The following SLC19A1 variants were observed in gnomAD, a reference collection of about 807,000 sequenced individuals.
SLC19A1 encodes reduced folate transporter.
SLC19A1 carries 37 observed loss-of-function variants against 35.3 expected under a neutral mutation model. That is an observed-to-expected ratio of 1.05 (90% CI 0.81 to 1.38). The LOEUF (loss-of-function observed/expected upper bound fraction) is 1.38. Among genes scored for constraint, SLC19A1 ranks in the 40% most tolerant of loss-of-function variants. The pLI is 0.00. For missense variants in SLC19A1, 831 were observed against 826.9 expected (o/e 1.00, Z -0.06); for synonymous variants, 460 against 398.5 (o/e 1.15, Z -1.84).
chr21:45,537,837 T>C lies in SLC19A1; in HGVS notation c.123A>G (p.Ile41Met), dbSNP rs1459594243. ...YLCFYGFMAQ[I>M]RPGESFITPY... ...GGGTGATGAAGCTCTCCCCTGGCCG[T>C]ATCTGCGCCATGAAGCCGTAGAAGC... is the stretch of plus-strand genomic sequence containing the variant. The change falls in exon 2 of 6, where the codon ATA becomes ATG. Residue 41 changes from isoleucine (I) to methionine (M), a missense_variant. By Grantham distance (10) the Ile-to-Met change is conservative. Coordinates refer to ENST00000311124, the MANE Select transcript of SLC19A1 (RefSeq NM_194255.4). 10 of 1,607,988 alleles carry C rather than the reference T, an allele frequency of 6.2e-6. No individual in the cohort carries two copies. In the Admixed American group the frequency reaches 6.7e-5, roughly 11 times the overall value.
Position 45,516,086 on chromosome 21 carries a change from C to T in SLC19A1, c.1348G>A (p.Ala450Thr). Residue 450 changes from alanine (A) to threonine (T), a missense_variant, in exon 6 of 6, where the codon GCC becomes ACC. Physicochemically the swap from Ala to Thr is moderately conservative, Grantham distance 58 (BLOSUM62 0). Transcript: ENST00000311124. Reference sequence around the variant, plus strand: ...CAGTGCCGCAGGCCATCCAGCATGGCCCCCAAGAAGTAGATGATGGACAGG... The same window carrying T: ...CAGTGCCGCAGGCCATCCAGCATGGTCCCCAAGAAGTAGATGATGGACAGG... ...LILSIIYFLGAMLDGLRHCQR... is the reference protein window; with the variant it reads ...LILSIIYFLGTMLDGLRHCQR... 6.2e-7 allele frequency: 1 copy of T among 1,602,024 alleles called. No individual in the cohort carries two copies. Among genetic ancestry groups the T allele is most frequent in the Non-Finnish European group, 8.5e-7 (1 of 1,175,832 alleles).
Position 45,534,547 on chromosome 21 carries a change from A to G in SLC19A1, c.190-2399T>C, listed in dbSNP as rs1274523982. The stretch of plus-strand genomic sequence containing the variant: ...TAGAAGCCTCACCCACCTCCGAATG[A>G]ATGGAGCATGCCTCATTTCCTCTTC... On this transcript the variant is annotated intron_variant, in intron 2 of 5. Transcript: ENST00000311124. This position sits in a 1 kb window ranked among gnomAD's most constrained non-coding sequence, Gnocchi z 4.2. The G allele has an allele frequency of 6.5e-7, 1 of 1,535,436 alleles. No individual in the cohort carries two copies. Among genetic ancestry groups the G allele is most frequent in the Non-Finnish European group, 8.7e-7 (1 of 1,146,778 alleles).
upstream of SLC19A1, among the ~76,000 whole-genome samples, chr21:45,547,954 T>G (rs553175838): frequency 6.6e-6 from 1 of 152,298 alleles, no homozygotes; most frequent in South Asian, 2.1e-4. Context: ...AACAGAGATC[T>G]CACAGGCTTA....
At chr21:45,507,342 G>C (rs2037274061) in intron 3 of SLC19A1, 1 of 617,870 alleles carries the variant, frequency 1.6e-6, no homozygotes, top group Non-Finnish European at 2.9e-6. Flanking sequence ...CCGGGTGCTG[G>C]GCAGGGAGGG....
At position 45,530,271 on chromosome 21, in the gene SLC19A1, AGTGTGGTGTGTTTGTCCATGTGTGCAC is replaced by A. The variant is rs1472071773; in HGVS notation, c.1151+472_1151+498del. ...TTCATGTGCGATATATCCATGTGTG[AGTGTGGTGTGTTTGTCCATGTGTGCAC>A]GTGTGGTATGTGTTCATGAGTGTGT... On this transcript the variant is annotated intron_variant, in intron 4 of 5. Coordinates refer to ENST00000311124, the MANE Select transcript of SLC19A1 (RefSeq NM_194255.4). This position sits in a 1 kb window ranked among gnomAD's most constrained non-coding sequence, Gnocchi z 5.3. 6.8e-6 allele frequency among the ~76,000 whole-genome samples: 1 copy of A among 146,144 alleles called. No homozygotes were observed. The highest frequency in any genetic ancestry group is 2.6e-5 in the African/African-American group (1 of 38,874).
downstream of SLC19A1, chr21:45,507,723 C>T: frequency 2.3e-6 from 2 of 877,082 alleles, no homozygotes; most frequent in Non-Finnish European, 3.7e-6. Flanking sequence ...CACCATCAGC[C>T]CCTGCTGCAG....
At position 45,531,711 on chromosome 21, in the gene SLC19A1, G is replaced by C; in HGVS notation, c.627C>G (p.Ser209Arg). The C allele has an allele frequency of 6.2e-7, 1 of 1,612,838 alleles. No individual in the cohort carries two copies. Among genetic ancestry groups the C allele is most frequent in the Non-Finnish European group, 8.5e-7 (1 of 1,179,720 alleles). Residue 209 changes from serine to arginine, a missense_variant, in exon 3 of 6, where the codon AGC becomes AGG. Physicochemically the swap from Ser to Arg is moderately radical, Grantham distance 110. Transcript: ENST00000311124. Reference protein sequence around the residue: ...LALFLKRPKRSLFFNRDDRGR... With the variant: ...LALFLKRPKRRLFFNRDDRGR... ...CCCGGTCGTCGCGGTTGAAGAAGAG[G>C]CTGCGCTTGGGGCGCTTCAGGAAGA...
intron 4 of SLC19A1, among the ~76,000 whole-genome samples, chr21:45,526,479 T>C (rs978796144): frequency 1.3e-5 from 2 of 151,544 alleles, no homozygotes; most frequent in Non-Finnish European, 2.9e-5. Flanking sequence ...GACCGTGTTC[T>C]GAGACTCGTC....
intron 1 of SLC19A1, among the ~76,000 whole-genome samples, chr21:45,555,528 G>A (rs1051616363): frequency 8.2e-5 from 12 of 145,570 alleles, no homozygotes; most frequent in Non-Finnish European, 1.8e-4. Context: ...GAACGGAGGT[G>A]CAGGGGGCGG....
At chr21:45,504,601 G>A (rs764801214) in intron 3 of SLC19A1, 2 of 1,533,920 alleles carry the variant, frequency 1.3e-6, no homozygotes, top group Non-Finnish European at 1.8e-6. Context: ...CCAGGGGTCT[G>A]GGTGCAGGAG....
upstream of SLC19A1, among the ~76,000 whole-genome samples, chr21:45,547,847 A>G (rs1209248873): frequency 2.0e-5 from 3 of 152,194 alleles, no homozygotes; most frequent in Non-Finnish European, 2.9e-5. Context: ...ATCTCTTCAT[A>G]TATTTTACAT....
intron 1 of SLC19A1, among the ~76,000 whole-genome samples, chr21:45,554,806 C>A (rs2078526001): frequency 6.6e-6 from 1 of 151,858 alleles, no homozygotes; most frequent in Non-Finnish European, 1.5e-5. Flanking sequence ...GTGAATCTTT[C>A]TCTTACGGTT....
chr21:45,548,423 T>A (rs1162261397), upstream of SLC19A1, among the ~76,000 whole-genome samples: 3 of 152,120 alleles, frequency 2.0e-5, no homozygotes, highest in African/African-American at 7.2e-5. Context: ...TACAACTGAG[T>A]AATAAGAAAA....
rs113124402 is a variant in SLC19A1 at position 45,560,046 on chromosome 21, C to T, written c.-50+2696G>A. On this transcript the variant is annotated intron_variant, in intron 1 of 5. Coordinates refer to the SLC19A1 transcript ENST00000650808. ...CTGCAGAAGGCAGCACGTCACACCCCCCAGCTCCCAAAATGTAGGAAACTG... is the reference window on the plus strand; with the variant it reads ...CTGCAGAAGGCAGCACGTCACACCCTCCAGCTCCCAAAATGTAGGAAACTG... Among the ~76,000 whole-genome samples, 674 of 152,324 alleles carry T rather than the reference C, an allele frequency of 4.4e-3. 8 individuals carry two copies. The highest frequency in any genetic ancestry group is 0.015 in the African/African-American group (634 of 41,560).
chr21:45,509,639 C>G (rs78487064), downstream of SLC19A1: 155,468 of 1,093,156 alleles, frequency 0.14, 11,637 homozygotes, highest in African/African-American at 0.24. Flanking sequence ...CTCCATCTAG[C>G]CCCTCGGCTC....
intron 1 of SLC19A1, among the ~76,000 whole-genome samples, chr21:45,558,714 C>T (rs996273164): frequency 6.6e-6 from 1 of 152,114 alleles, no homozygotes. Flanking sequence ...GGACAGAGTA[C>T]GGCCACCTGG....
upstream of SLC19A1, among the ~76,000 whole-genome samples, chr21:45,543,340 G>A (rs1203513879): frequency 6.6e-6 from 1 of 152,220 alleles, no homozygotes; most frequent in African/African-American, 2.4e-5. Flanking sequence ...AAGCCAAGCC[G>A]AGGGCTGTGG....
In SLC19A1 at chr21:45,521,508, G is replaced by T. The variant is rs112694100; in HGVS notation, c.1293+4309C>A. On this transcript the variant is annotated intron_variant, in intron 5 of 5. Coordinates refer to ENST00000311124, the MANE Select transcript of SLC19A1 (RefSeq NM_194255.4). ...CTGAGCAGGAATTTTTGTAGATATA[G>T]ACAAGATTACTCTAAAATGTATACG... Among the ~76,000 whole-genome samples, 174 of 152,266 alleles carry T rather than the reference G, an allele frequency of 1.1e-3. 2 individuals are homozygous for T. Among genetic ancestry groups the T allele is most frequent in the Middle Eastern group, 6.8e-3 (2 of 294 alleles).
chr21:45,555,755 C>T (rs1038104426), intron 1 of SLC19A1, among the ~76,000 whole-genome samples: 1 of 152,050 alleles, frequency 6.6e-6, no homozygotes, highest in African/African-American at 2.4e-5. Flanking sequence ...TGGCAGAAAG[C>T]GACCCACGCA....
Sources: allele counts gnomAD v4.1 joint callset (sites outside exome capture counted in the v4.1 genomes callset), GRCh38; gene constraint gnomAD v4.1.1; non-coding constraint Gnocchi (gnomAD v3.1); transcripts MANE v1.5; gene names NCBI Gene and HGNC (gene_info 2026-07-23, HGNC 2026-07-21).